Variants in EWSR1 observed in about 807,000 individuals in gnomAD.
EWSR1 encodes RNA-binding protein EWS.
A neutral mutation model predicts 92.1 loss-of-function variants in EWSR1; 14 were observed. The ratio of observed to expected loss-of-function variants is 0.15; its 90% CI spans 0.10 to 0.24. The LOEUF is 0.24. Among genes scored for constraint, EWSR1 ranks in the 10% least tolerant of loss-of-function variants. The probability of loss-of-function intolerance (pLI) is 1.00; values close to 1 mark genes in which losing one functional copy is unlikely to be tolerated. For missense variants in EWSR1, 637 were observed against 870.9 expected (o/e 0.73, Z 3.38); for synonymous variants, 303 against 292.9 (o/e 1.03, Z -0.35).
Position 29,299,603 on chromosome 22 carries a change from T to C in EWSR1, c.1683T>C (p.Gly561=). ...FLPPPFPPPG[G]DRGRGGPGGM... is the part of the protein sequence containing the mutation. Reference sequence around the variant, plus strand: ...GCCCTGCTATTCTCACCTTAGGTGGTGATCGTGGCAGAGGTGGCCCTGGTG... The same window carrying C: ...GCCCTGCTATTCTCACCTTAGGTGGCGATCGTGGCAGAGGTGGCCCTGGTG... The change falls in exon 16 of 17, where the codon GGT becomes GGC. Residue 561 remains glycine, a synonymous_variant. Transcript: ENST00000397938. 1 of 1,596,938 alleles carries C rather than the reference T, an allele frequency of 6.3e-7. No homozygotes were observed. Among genetic ancestry groups the C allele is most frequent in the Non-Finnish European group, 8.5e-7 (1 of 1,169,808 alleles).
intron 8 of EWSR1, chr22:29,289,086 G>C (rs565786048): frequency 3.3e-5 from 11 of 330,704 alleles, no homozygotes; most frequent in African/African-American, 1.9e-4. Flanking sequence ...GTGGGTAGTA[G>C]ATTTGGGATG....
At chr22:29,277,764 C>T in intron 4 of EWSR1, 1 of 419,782 alleles carries the variant, frequency 2.4e-6, no homozygotes, top group East Asian at 3.8e-5. Flanking sequence ...GCAGAAGGAA[C>T]CCTGTTTTCT....
chr22:29,273,201 G>A (rs1222515747), intron 3 of EWSR1, among the ~76,000 whole-genome samples: 1 of 152,208 alleles, frequency 6.6e-6, no homozygotes, highest in Non-Finnish European at 1.5e-5. Flanking sequence ...AGGACATACA[G>A]CGTTCTGGTT....
chr22:29,298,778 G>C lies in EWSR1; in HGVS notation c.1463G>C (p.Gly488Ala), dbSNP rs773841106. The C allele has an allele frequency of 1.9e-6, 3 of 1,613,478 alleles. No homozygotes were observed. Among genetic ancestry groups the C allele is most frequent in the African/African-American group, 2.7e-5 (2 of 74,846 alleles). Residue 488 changes from glycine to alanine, a missense_variant, in exon 14 of 17, where the codon GGA (glycine) becomes GCA (alanine). By Grantham distance (60) the Gly-to-Ala change is moderately conservative. Around this residue, in one of 5 missense-constraint regions of EWSR1, gnomAD observed 363 missense variants for 447.8 expected, o/e 0.81. Transcript: ENST00000397938. ...GGPGGPMGRM[G>A]GRGGDRGGFP... is the part of the protein sequence containing the mutation. ...CCTGGGGGACCCATGGGTCGCATGG[G>C]AGGCCGTGGAGGAGATAGAGGAGGC...
intron 5 of EWSR1, among the ~76,000 whole-genome samples, chr22:29,278,846 T>A (rs2059332293): frequency 6.7e-6 from 1 of 148,980 alleles, no homozygotes; most frequent in Admixed American, 6.7e-5. Flanking sequence ...AATAGAAAAA[T>A]TAGCTGGGCG....
chr22:29,287,256 T>G (rs1014986093), intron 7 of EWSR1, 122 bp downstream of exon 7: 10 of 921,830 alleles, frequency 1.1e-5, no homozygotes, highest in African/African-American at 1.6e-5. Context: ...GGGCTGAGGC[T>G]GGAGTACAGT....
At position 29,299,698 on chromosome 22, in the gene EWSR1, G is replaced by A; in HGVS notation, c.1778G>A (p.Gly593Asp). 6.2e-7 allele frequency: 1 copy of A among 1,612,952 alleles called. No individual in the cohort carries two copies. The highest frequency in any genetic ancestry group is 8.5e-7 in the Non-Finnish European group (1 of 1,179,474). ...GGTGGAATGTTCAGAGGTGGCCGTG[G>A]TGGAGACAGAGGTGGCTTCCGTGGT... ...GPGGMFRGGR[G>D]GDRGGFRGGR... Residue 593 changes from glycine (G) to aspartate (D), a missense_variant, in exon 16 of 17, where the codon GGT (glycine) becomes GAT (aspartate). This residue lies in a region of EWSR1 where 363 missense variants were observed against 447.8 expected (regional missense o/e 0.81). Coordinates refer to ENST00000397938, the MANE Select transcript of EWSR1 (RefSeq NM_005243.4).
At chr22:29,279,008 A>G (rs76773058) in intron 5 of EWSR1, among the ~76,000 whole-genome samples, 3 of 151,730 alleles carry the variant, frequency 2.0e-5, no homozygotes, top group Non-Finnish European at 2.9e-5. Context: ...AAAAAAAAAA[A>G]GTGAAATGGT....
In EWSR1 at chr22:29,299,823, G is replaced by C; in HGVS notation, c.1903G>C (p.Gly635Arg). 6.4e-7 allele frequency: 1 copy of C among 1,554,658 alleles called. No individual in the cohort carries two copies. The highest frequency in any genetic ancestry group is 8.7e-7 in the Non-Finnish European group (1 of 1,148,834). Residue 635 changes from glycine to arginine, a missense_variant, in exon 16 of 17, where the codon GGA becomes CGA. Coordinates refer to ENST00000397938, the MANE Select transcript of EWSR1 (RefSeq NM_005243.4). ...GGAACAGATGGGAGGAAGAAGAGGA[G>C]GACGTGGAGGACCTGGAAAAATGGA... is the stretch of plus-strand genomic sequence containing the variant. ...LMEQMGGRRGGRGGPGKMDKG... is the reference protein window; with the variant it reads ...LMEQMGGRRGRRGGPGKMDKG...
chr22:29,292,429 AGTT>A (rs1453800989), intron 10 of EWSR1, 56 bp from the exon 11 acceptor site: 7 of 1,118,676 alleles, frequency 6.3e-6, no homozygotes, highest in Admixed American at 1.7e-5. Context: ...GTGATCAGGT[AGTT>A]AAGAAACCCC....
chr22:29,278,389 A>G (rs1392298408), intron 5 of EWSR1, among the ~76,000 whole-genome samples, 173 bp downstream of exon 5: 1 of 152,256 alleles, frequency 6.6e-6, no homozygotes, highest in Non-Finnish European at 1.5e-5. Flanking sequence ...AATATTCTGC[A>G]TTTAACAGTG....
rs1422841192 is a variant in EWSR1, at chr22:29,287,154, A to C, written c.793+20A>C. 2 of 1,610,404 alleles carry C rather than the reference A, an allele frequency of 1.2e-6. No homozygotes were observed. The highest frequency in any genetic ancestry group is 1.3e-5 in the African/African-American group (1 of 74,914). On this transcript the variant is annotated intron_variant, in intron 7 of 16. Coordinates refer to ENST00000397938, the MANE Select transcript of EWSR1 (RefSeq NM_005243.4). Reference sequence around the variant, plus strand: ...AGCAGAGTGAGTTGCTAAGAGAGAAAACCAAATAAGAATGAATGTGTTTAG... The same window carrying C: ...AGCAGAGTGAGTTGCTAAGAGAGAACACCAAATAAGAATGAATGTGTTTAG...
rs774809649 is a variant in EWSR1, at chr22:29,296,379, C to G, written c.1294+11C>G. The G allele has an allele frequency of 6.2e-7, 1 of 1,613,564 alleles. No homozygotes were observed. The highest frequency in any genetic ancestry group is 8.5e-7 in the Non-Finnish European group (1 of 1,179,732). ...TGGAATGGTTTGATGGTGAGATGTA[C>G]TCACTGGCATTCTTAATCTCCCTGG... On this transcript the variant is annotated intron_variant, in intron 12 of 16. Coordinates refer to ENST00000397938, the MANE Select transcript of EWSR1 (RefSeq NM_005243.4).
At chr22:29,296,029 C>G (rs1156520559) in intron 11 of EWSR1, 1 of 524,320 alleles carries the variant, frequency 1.9e-6, no homozygotes, top group Non-Finnish European at 3.4e-6. Flanking sequence ...CTGTTCACTT[C>G]CACACTTTGG....
chr22:29,272,349 A>G, intron 2 of EWSR1, 31 bp from the exon 3 acceptor site: 2 of 1,613,836 alleles, frequency 1.2e-6, no homozygotes, highest in Non-Finnish European at 1.7e-6. Context: ...AATGTTCTCT[A>G]TTCAAGTTAT....
chr22:29,298,692 A>G (rs1602591248), intron 13 of EWSR1, 41 bp from the exon 14 acceptor site: 2 of 1,610,606 alleles, frequency 1.2e-6, no homozygotes, highest in African/African-American at 1.3e-5. Flanking sequence ...ATTTGGTGCT[A>G]CAGAGAAATG....
intron 9 of EWSR1, 55 bp from the exon 10 acceptor site, chr22:29,292,082 G>A: frequency 6.6e-7 from 1 of 1,516,080 alleles, no homozygotes; most frequent in Non-Finnish European, 9.2e-7. Flanking sequence ...TGTAAGGTTT[G>A]TAGCTTGCAA....
intron 4 of EWSR1, chr22:29,276,195 C>A: frequency 4.3e-6 from 1 of 230,226 alleles, no homozygotes; most frequent in Non-Finnish European, 8.6e-6. Context: ...GGGGTGTAAT[C>A]GGTATATGAA....
chr22:29,296,035 T>C, intron 11 of EWSR1: 1 of 530,862 alleles, frequency 1.9e-6, no homozygotes. Flanking sequence ...ACTTCCACAC[T>C]TTGGTCTACT....
Sources: allele counts gnomAD v4.1 joint callset (sites outside exome capture counted in the v4.1 genomes callset), GRCh38; gene constraint gnomAD v4.1.1; regional missense constraint gnomAD v4.1.1; transcripts MANE v1.5; gene names NCBI Gene and HGNC (gene_info 2026-07-23, HGNC 2026-07-21).